Variants in GNE observed in about 807,000 individuals in gnomAD.
GNE encodes bifunctional UDP-N-acetylglucosamine 2-epimerase/N-acetylmannosamine kinase.
Under a neutral mutation model 61.8 loss-of-function variants are expected in GNE, and 41 were observed. The observed-to-expected ratio is 0.66, with a 90% CI of 0.52 to 0.86. GNE has a LOEUF of 0.86. Ranked by LOEUF, GNE falls within the 40% of genes least tolerant of loss-of-function variation. The pLI is 0.00. For synonymous variants in GNE, 264 were observed against 326.4 expected (o/e 0.81, Z 2.06); for missense variants, 608 against 909.1 (o/e 0.67, Z 4.26).
rs530539700 is a variant in GNE, at chr9:36,236,672, T to G, written c.769+160A>C. Among the ~76,000 whole-genome samples, 4 of 152,302 alleles carry G rather than the reference T, an allele frequency of 2.6e-5. No homozygotes were observed. In the South Asian group the frequency reaches 6.2e-4, roughly 24 times the overall value. ...GCAAAAACATTACAAACTTTTTGAG[T>G]TATAGCAAAATTGGTAATCCTTTGA... On this transcript the variant is annotated intron_variant, in intron 4 of 11. Coordinates refer to ENST00000642385, the MANE Select transcript of GNE (RefSeq NM_005476.7).
At chr9:36,247,558 T>C (rs1482046189) in intron 2 of GNE, among the ~76,000 whole-genome samples, 1 of 152,102 alleles carries the variant, frequency 6.6e-6, no homozygotes, top group Non-Finnish European at 1.5e-5. Context: ...GTAACTGTGG[T>C]AGGCAGATAA....
At chr9:36,220,191 G>A (rs373578230) in intron 9 of GNE, among the ~76,000 whole-genome samples, 171 bp from the exon 10 acceptor site, 6 of 152,208 alleles carry the variant, frequency 3.9e-5, no homozygotes, top group Non-Finnish European at 5.9e-5. Context: ...CATTTTGGAT[G>A]GAAATGTTTT....
In GNE at chr9:36,236,694, T is replaced by C; in HGVS notation, c.769+138A>G. 3.8e-6 allele frequency: 3 copies of C among 797,014 alleles called. No homozygotes were observed. In the South Asian group the frequency reaches 4.4e-5, roughly 12 times the overall value. The allele number at this position is 797,014 out of a possible 1,614,324, so 49.4% of individuals were successfully genotyped here. On this transcript the variant is annotated intron_variant, in intron 4 of 11. Coordinates refer to ENST00000642385, the MANE Select transcript of GNE (RefSeq NM_005476.7). ...GAGTTATAGCAAAATTGGTAATCCT[T>C]TGAAAATTGGAATGCATTTCAGAAT...
At chr9:36,272,059 C>A (rs530155886) in intron 1 of GNE, among the ~76,000 whole-genome samples, 1 of 152,122 alleles carries the variant, frequency 6.6e-6, no homozygotes, top group Non-Finnish European at 1.5e-5. Flanking sequence ...GGCTCACGAT[C>A]GTAGTAACAC....
At position 36,218,682 on chromosome 9, in the gene GNE, G is replaced by A. The variant is rs180853993; in HGVS notation, c.1817-383C>T. Among the ~76,000 whole-genome samples, 7 of 152,248 alleles carry A rather than the reference G, an allele frequency of 4.6e-5. No individual in the cohort carries two copies. Among genetic ancestry groups the A allele is most frequent in the African/African-American group, 7.2e-5 (3 of 41,538 alleles). The stretch of plus-strand genomic sequence containing the variant: ...ACACAATGCTGTGCCATCTGCCAGC[G>A]CCACGCGTTCTATGGCAGCGAGGCA... On this transcript the variant is annotated intron_variant, in intron 10 of 11. Coordinates refer to ENST00000642385, the MANE Select transcript of GNE (RefSeq NM_005476.7). This position sits in a 1 kb window ranked among gnomAD's most constrained non-coding sequence, Gnocchi z 4.1.
At chr9:36,243,345 C>T (rs1829728529) in intron 3 of GNE, among the ~76,000 whole-genome samples, 1 of 152,152 alleles carries the variant, frequency 6.6e-6, no homozygotes, top group African/African-American at 2.4e-5. Context: ...ACATCTGGCA[C>T]ATTATTATTT....
upstream of GNE, among the ~76,000 whole-genome samples, chr9:36,262,244 G>T (rs186848354): frequency 1.3e-5 from 2 of 152,190 alleles, no homozygotes; most frequent in African/African-American, 4.8e-5. Flanking sequence ...AATACATTTT[G>T]AGAATTGTAT....
rs778187039 is a variant in GNE, at chr9:36,216,855, G to A, written c.*510C>T. ...TTTTTTGTATTTTTAGTAGAGACGG[G>A]GTTTCACCATGTTTCACCATGTTAG... On this transcript the variant is annotated 3_prime_UTR_variant, in exon 12 of 12. Transcript: ENST00000642385. 3 of 176,430 alleles carry A rather than the reference G, an allele frequency of 1.7e-5. No homozygotes were observed. The highest frequency in any genetic ancestry group is 2.4e-5 in the Non-Finnish European group (2 of 82,438). The allele number at this position is 176,430 out of a possible 1,614,324, so 10.9% of individuals were successfully genotyped here.
Position 36,222,915 on chromosome 9 carries a change from C to A in GNE, c.1495G>T (p.Asp499Tyr), listed in dbSNP as rs1828670090. ...TKLIQEWNSV[D>Y]LRTPLSDTLH... ...GTGTCAGAAAGGGGGGTCCTAAGGT[C>A]CACAGAGTTCCACTCTTGGATCAGT... The change falls in exon 9 of 12, where the codon GAC becomes TAC. Residue 499 changes from aspartate (D) to tyrosine (Y), a missense_variant. Physicochemically the swap from Asp to Tyr is radical, Grantham distance 160. Transcript: ENST00000642385. The A allele has an allele frequency of 6.2e-7, 1 of 1,614,036 alleles. No individual in the cohort carries two copies. Among genetic ancestry groups the A allele is most frequent in the South Asian group, 1.1e-5 (1 of 91,090 alleles).
rs146999396 is a variant in GNE at position 36,273,930 on chromosome 9, C to T, written c.51+2964G>A. On this transcript the variant is annotated intron_variant, in intron 1 of 11. Coordinates refer to the GNE transcript ENST00000396594. Reference sequence around the variant, plus strand: ...GATTACAGGTGTGAGCCATCGCGTCCGGCCAATTTGGAACTCTTTAATGGT... The same window carrying T: ...GATTACAGGTGTGAGCCATCGCGTCTGGCCAATTTGGAACTCTTTAATGGT... Among the ~76,000 whole-genome samples, 10 of 151,992 alleles carry T rather than the reference C, an allele frequency of 6.6e-5. No homozygotes were observed. The South Asian group carries it at 1.2e-3, about 19-fold the overall frequency.
chr9:36,242,768 C>T (rs1457363349), intron 3 of GNE, among the ~76,000 whole-genome samples: 5 of 132,758 alleles, frequency 3.8e-5, no homozygotes, highest in African/African-American at 8.7e-5. Context: ...GATGGAGTCT[C>T]GCTTCTTCAC....
rs1491225095 is a variant in GNE, at chr9:36,216,326, GAT to G, written c.*1037_*1038del. 1 of 196,388 alleles carries G rather than the reference GAT, an allele frequency of 5.1e-6. No homozygotes were observed. The highest frequency in any genetic ancestry group is 2.5e-5 in the South Asian group (1 of 39,542). 12.2% of individuals were successfully genotyped at this position (196,388 alleles called of 1,614,324 possible). ...CTTAGTTTGGGGTTAGAGGAGGAAG[GAT>G]GTGTGTGTGTGTGTGTGTGTGTGTG... On this transcript the variant is annotated 3_prime_UTR_variant, in exon 12 of 12. Coordinates refer to ENST00000642385, the MANE Select transcript of GNE (RefSeq NM_005476.7).
chr9:36,264,224 C>T (rs892897489), intron 1 of GNE, among the ~76,000 whole-genome samples: 1 of 151,970 alleles, frequency 6.6e-6, no homozygotes, highest in Admixed American at 6.6e-5. Flanking sequence ...CCTCCACCTC[C>T]CAGGTTCAAG....
intron 4 of GNE, among the ~76,000 whole-genome samples, chr9:36,234,870 T>C (rs1466008149): frequency 6.6e-6 from 1 of 152,152 alleles, no homozygotes; most frequent in Non-Finnish European, 1.5e-5. Context: ...TTTTTAACTT[T>C]TATTGTGTTG....
chr9:36,242,620 A>C (rs1829684702), intron 3 of GNE, among the ~76,000 whole-genome samples: 1 of 151,614 alleles, frequency 6.6e-6, no homozygotes, highest in Non-Finnish European at 1.5e-5. Flanking sequence ...GGGTTTCACC[A>C]TGTTGGCCAG....
intron 1 of GNE, among the ~76,000 whole-genome samples, chr9:36,257,570 G>A (rs1587364206): frequency 6.6e-6 from 1 of 151,428 alleles, no homozygotes; most frequent in Admixed American, 6.6e-5. Context: ...TTGGGAGGCC[G>A]AGGTGGGCGG....
At chr9:36,273,205 A>G (rs1376451647) in intron 1 of GNE, among the ~76,000 whole-genome samples, 1 of 147,932 alleles carries the variant, frequency 6.8e-6, no homozygotes. Context: ...TGTGCTAGAC[A>G]TTATGCACTC....
chr9:36,247,219 G>A (rs1829922412), intron 2 of GNE, among the ~76,000 whole-genome samples: 1 of 151,944 alleles, frequency 6.6e-6, no homozygotes, highest in Admixed American at 6.6e-5. Context: ...ATCACGCCCA[G>A]CTAATTTTTG....
chr9:36,266,766 G>A (rs1009354753), intron 1 of GNE, among the ~76,000 whole-genome samples: 7 of 152,178 alleles, frequency 4.6e-5, no homozygotes, highest in Non-Finnish European at 1.0e-4. Context: ...AAAATTAGCC[G>A]GGCGTGGTGG....
Sources: gnomAD v4.1 joint callset for allele counts (sites outside exome capture counted in the v4.1 genomes callset) on GRCh38, gnomAD v4.1.1 for gene constraint, Gnocchi (gnomAD v3.1) non-coding constraint, MANE v1.5 for transcripts, NCBI Gene and HGNC (gene_info 2026-07-23, HGNC 2026-07-21) for gene names.